PWWP2A: variants seen among roughly 807,000 people sequenced by gnomAD.
The protein encoded by PWWP2A is PWWP domain containing 2A.
In PWWP2A, 18 loss-of-function variants were observed where a neutral mutation model predicts 48.5. The observed-to-expected ratio is 0.37, with a 90% CI of 0.26 to 0.55. The LOEUF (loss-of-function observed/expected upper bound fraction) is 0.55, where lower values mean the gene tolerates loss of function less well. PWWP2A is among the 20% of genes least tolerant of loss of function. The pLI is 0.81. For synonymous variants in PWWP2A, 396 were observed against 387.7 expected (o/e 1.02, Z -0.25); for missense variants, 867 against 976.4 (o/e 0.89, Z 1.49).
the PWWP2A span, among the ~76,000 whole-genome samples, chr5:160,054,072 T>G: frequency 6.6e-6 from 1 of 151,916 alleles, no homozygotes; most frequent in Non-Finnish European, 1.5e-5. Flanking sequence ...GGGGGTTGGT[T>G]GTTTTTGTTT....
downstream of PWWP2A, among the ~76,000 whole-genome samples, chr5:160,074,832 C>T (rs150024907): frequency 2.3e-4 from 34 of 150,378 alleles, no homozygotes; most frequent in Middle Eastern, 3.6e-3. Flanking sequence ...GGTGCAGTGG[C>T]TCATGCCTAT....
At chr5:160,111,972 C>T (rs935194681) in intron 1 of PWWP2A, among the ~76,000 whole-genome samples, 4 of 151,572 alleles carry the variant, frequency 2.6e-5, no homozygotes, top group Admixed American at 6.6e-5. Flanking sequence ...ACCAAAATGA[C>T]GCAAATTAGC....
chr5:160,104,581 T>A (rs887050987), intron 1 of PWWP2A, among the ~76,000 whole-genome samples: 1 of 152,026 alleles, frequency 6.6e-6, no homozygotes, highest in African/African-American at 2.4e-5. Flanking sequence ...GGCGGGTGGA[T>A]CACCTGAGGT....
the PWWP2A span, among the ~76,000 whole-genome samples, chr5:160,047,959 G>C: frequency 1.3e-5 from 2 of 151,964 alleles, no homozygotes; most frequent in Non-Finnish European, 2.9e-5. Context: ...ATAGCATAAG[G>C]CTTCATGAGA....
At chr5:160,052,677 C>A in the PWWP2A span, among the ~76,000 whole-genome samples, 7 of 151,106 alleles carry the variant, frequency 4.6e-5, no homozygotes, top group East Asian at 1.4e-3. Flanking sequence ...TTTTTTAAAG[C>A]CAGTCCAGTA....
rs1581152202 is a variant in PWWP2A at position 160,077,983 on chromosome 5, C to A, written c.*172G>T. Reference sequence around the variant, plus strand: ...TATAAAATATTCCCTAATACCTTTTCTTCGGTTTAAGACAGCACAATTTGC... The same window carrying A: ...TATAAAATATTCCCTAATACCTTTTATTCGGTTTAAGACAGCACAATTTGC... On this transcript the variant is annotated 3_prime_UTR_variant, in exon 4 of 4. Transcript: ENST00000456329. This position sits in a 1 kb window ranked among gnomAD's most constrained non-coding sequence, Gnocchi z 4.2. The A allele has an allele frequency of 1.2e-4, 62 of 520,860 alleles. 1 individual carries two copies. In the East Asian group the frequency reaches 1.8e-3, roughly 15 times the overall value. The allele number at this position is 520,860 out of a possible 1,614,324, so 32.3% of individuals were successfully genotyped here.
chr5:160,091,165 T>C (rs1755025711), downstream of PWWP2A: 1 of 974,514 alleles, frequency 1.0e-6, no homozygotes, highest in African/African-American at 1.8e-5. Flanking sequence ...TTTGAGAATA[T>C]ACTGATTCAT....
In PWWP2A at chr5:160,091,988, A is replaced by G. The variant is rs1172950541; in HGVS notation, c.*394T>C. On this transcript the variant is annotated 3_prime_UTR_variant, in exon 2 of 2. Coordinates refer to ENST00000307063, the MANE Select transcript of PWWP2A (RefSeq NM_001130864.2). ...TATATATATGTGTATATATACATAT[A>G]TATGTGTGTATATATACATACACGG... 3 of 676,454 alleles carry G rather than the reference A, an allele frequency of 4.4e-6. No individual in the cohort carries two copies. In the African/African-American group the frequency reaches 6.1e-5, roughly 14 times the overall value. The allele number at this position is 676,454 out of a possible 1,614,324, so 41.9% of individuals were successfully genotyped here.
At chr5:160,068,571 C>T (rs1753671095) in intron 2 of PWWP2A, among the ~76,000 whole-genome samples, 1 of 152,216 alleles carries the variant, frequency 6.6e-6, no homozygotes, top group Non-Finnish European at 1.5e-5. Flanking sequence ...TGCACTCCAG[C>T]TTGGGTGACA....
chr5:160,072,605 C>T (rs1041621750), downstream of PWWP2A, among the ~76,000 whole-genome samples: 1 of 152,156 alleles, frequency 6.6e-6, no homozygotes, highest in African/African-American at 2.4e-5. Flanking sequence ...TAGTGCACAC[C>T]TGTAGTCCCA....
chr5:160,063,484 GGATTAC>G (rs1317692181), intron 5 of PWWP2A: 1 of 152,668 alleles, frequency 6.6e-6, no homozygotes, highest in East Asian at 1.9e-4. Flanking sequence ...CAAAGTGCTG[GGATTAC>G]AGGTGTGAGC....
At chr5:160,051,258 A>C in the PWWP2A span, 662 of 1,192,848 alleles carry the variant, frequency 5.5e-4, 11 homozygotes, top group South Asian at 9.4e-3. Context: ...ATACTAGAGG[A>C]GAACACATGA....
At chr5:160,099,729 G>A (rs1241711368) in intron 1 of PWWP2A, among the ~76,000 whole-genome samples, 1 of 150,182 alleles carries the variant, frequency 6.7e-6, no homozygotes, top group African/African-American at 2.5e-5. Flanking sequence ...CCAGGCTAGA[G>A]CGCAGTGGCC....
chr5:160,058,303 C>T (rs1302900722), downstream of PWWP2A, among the ~76,000 whole-genome samples: 2 of 152,194 alleles, frequency 1.3e-5, no homozygotes, highest in African/African-American at 4.8e-5. Context: ...CTGAAGTCTT[C>T]ACCCCCTCAA....
At chr5:160,097,063 G>A (rs1271258287) in intron 1 of PWWP2A, among the ~76,000 whole-genome samples, 1 of 152,074 alleles carries the variant, frequency 6.6e-6, no homozygotes, top group Non-Finnish European at 1.5e-5. Flanking sequence ...ACAGCCTGAT[G>A]CAGTGGCTCA....
rs1458703635 is a variant in PWWP2A at position 160,109,767 on chromosome 5, AAAAAAAAAT to A, written c.584+9029_584+9037del. Among the ~76,000 whole-genome samples the A allele has an allele frequency of 3.8e-3, 277 of 72,674 alleles. 1 individual carries two copies. Among genetic ancestry groups the A allele is most frequent in the East Asian group, 0.022 (39 of 1,802 alleles). 47.7% of individuals were successfully genotyped at this position (72,674 alleles called of 152,430 possible). ...AGAGGATGCAACTGGGAAAAAAAAAAAAAAAAAATATATATATATATATATATATATATA... is the reference window on the plus strand; with the variant it reads ...AGAGGATGCAACTGGGAAAAAAAAAAATATATATATATATATATATATATA... On this transcript the variant is annotated intron_variant, in intron 1 of 1. Coordinates refer to ENST00000307063, the MANE Select transcript of PWWP2A (RefSeq NM_001130864.2).
chr5:160,095,293 G>A (rs1212310481), intron 1 of PWWP2A, among the ~76,000 whole-genome samples: 7 of 151,958 alleles, frequency 4.6e-5, no homozygotes, highest in South Asian at 2.1e-4. Context: ...TATCTAATAC[G>A]AATCTTTAAA....
At position 160,078,063 on chromosome 5, in the gene PWWP2A, A is replaced by G; in HGVS notation, c.*92T>C. 9.2e-7 allele frequency: 1 copy of G among 1,088,546 alleles called. No homozygotes were observed. The highest frequency in any genetic ancestry group is 1.4e-5 in the South Asian group (1 of 73,560). 67.4% of individuals were successfully genotyped at this position (1,088,546 alleles called of 1,614,324 possible). ...ACCACTGCCTTAACATTTACTTCTT[A>G]GTGCAGCTTTAAAAACTCCAATTTC... On this transcript the variant is annotated 3_prime_UTR_variant, in exon 4 of 4. Transcript: ENST00000456329. This position sits in a 1 kb window ranked among gnomAD's most constrained non-coding sequence, Gnocchi z 4.2.
chr5:160,117,425 C>T (rs150381827), intron 1 of PWWP2A, among the ~76,000 whole-genome samples: 13 of 152,294 alleles, frequency 8.5e-5, no homozygotes, highest in African/African-American at 2.2e-4. Flanking sequence ...GAGGCTGAGG[C>T]GGGTGGATAA....
Sources: gnomAD v4.1 joint callset for allele counts (sites outside exome capture counted in the v4.1 genomes callset) on GRCh38, gnomAD v4.1.1 for gene constraint, Gnocchi (gnomAD v3.1) non-coding constraint, MANE v1.5 for transcripts, NCBI Gene and HGNC (gene_info 2026-07-23, HGNC 2026-07-21) for gene names.